Variants in PLPPR1 observed in about 807,000 individuals in gnomAD.
The protein encoded by PLPPR1 is phospholipid phosphatase-related protein type 1.
Under a neutral mutation model 33.1 loss-of-function variants are expected in PLPPR1, and 10 were observed. That is an observed-to-expected ratio of 0.30 (90% CI 0.19 to 0.51). The LOEUF is 0.51. Among genes scored for constraint, PLPPR1 ranks in the 20% least tolerant of loss-of-function variants. The pLI is 0.97. For synonymous variants in PLPPR1, 151 were observed against 151.0 expected (o/e 1.00, Z 0.00); for missense variants, 304 against 408.1 (o/e 0.74, Z 2.20).
chr9:101,230,971 T>C (rs1207760427), intron 2 of PLPPR1, among the ~76,000 whole-genome samples: 1 of 152,050 alleles, frequency 6.6e-6, no homozygotes, highest in Non-Finnish European at 1.5e-5. Flanking sequence ...GGAAGGAATC[T>C]AGCTGTCTGG....
intron 3 of PLPPR1, among the ~76,000 whole-genome samples, chr9:101,277,731 G>A (rs1828224101): frequency 6.6e-6 from 1 of 152,202 alleles, no homozygotes; most frequent in Admixed American, 6.5e-5. Context: ...TTAGGGCAGA[G>A]TCGAGCTAGA....
intron 1 of PLPPR1, among the ~76,000 whole-genome samples, chr9:101,112,139 C>T (rs1172309462): frequency 6.6e-6 from 1 of 152,238 alleles, no homozygotes; most frequent in Admixed American, 6.5e-5. Flanking sequence ...AAACATCTTA[C>T]CTGCGTATTA....
intron 4 of PLPPR1, among the ~76,000 whole-genome samples, chr9:101,301,055 A>G (rs1470715382): frequency 1.3e-5 from 2 of 152,170 alleles, no homozygotes; most frequent in Non-Finnish European, 2.9e-5. Context: ...GTAAAAATGT[A>G]TTTGTTTGTT....
At chr9:101,316,754 T>C (rs1034270833) in intron 6 of PLPPR1, among the ~76,000 whole-genome samples, 2 of 152,088 alleles carry the variant, frequency 1.3e-5, no homozygotes, top group East Asian at 1.9e-4. Flanking sequence ...TTATCTAATC[T>C]CAAGCAAATA....
chr9:101,242,419 A>G (rs1827493423), intron 2 of PLPPR1, among the ~76,000 whole-genome samples: 2 of 152,020 alleles, frequency 1.3e-5, no homozygotes, highest in East Asian at 3.9e-4. Context: ...TTTGTGTTTT[A>G]TTAGAATAAG....
At chr9:101,285,173 G>C (rs1828370949) in intron 3 of PLPPR1, among the ~76,000 whole-genome samples, 1 of 152,094 alleles carries the variant, frequency 6.6e-6, no homozygotes, top group Non-Finnish European at 1.5e-5. Context: ...TCCTTGATGA[G>C]TCTCGATCTT....
intron 1 of PLPPR1, among the ~76,000 whole-genome samples, chr9:101,077,852 C>G (rs1830558801): frequency 6.6e-6 from 1 of 151,898 alleles, no homozygotes. Context: ...AAACCAGCAC[C>G]TTTGTCCCGA....
intron 1 of PLPPR1, among the ~76,000 whole-genome samples, chr9:101,095,790 A>G (rs1830809345): frequency 6.6e-6 from 1 of 152,176 alleles, no homozygotes; most frequent in Non-Finnish European, 1.5e-5. Context: ...GGACACACAG[A>G]GAAGTATTTC....
At chr9:101,121,419 G>C (rs761904198) in intron 1 of PLPPR1, among the ~76,000 whole-genome samples, 3 of 152,112 alleles carry the variant, frequency 2.0e-5, no homozygotes, top group Non-Finnish European at 2.9e-5. Flanking sequence ...CAAATCTGTA[G>C]CCAGATCTCT....
At chr9:101,286,310 A>G in intron 4 of PLPPR1, 74 bp downstream of exon 4, 1 of 1,388,528 alleles carries the variant, frequency 7.2e-7, no homozygotes, top group East Asian at 2.3e-5. Context: ...TTGGTAAAAT[A>G]AACTATGGAA....
In PLPPR1 at chr9:101,221,264, C is replaced by A. The variant is rs1010349140; in HGVS notation, c.63+35707C>A. ...CCCTCTCCCACTCTTCCCCCCAAGT[C>A]TCCAAAATCCATTGTATCATTCTTA... On this transcript the variant is annotated intron_variant, in intron 2 of 7. Coordinates refer to ENST00000374874, the MANE Select transcript of PLPPR1 (RefSeq NM_207299.2). Among the ~76,000 whole-genome samples, 8 of 151,608 alleles carry A rather than the reference C, an allele frequency of 5.3e-5. No homozygotes were observed. In the South Asian group the frequency reaches 1.7e-3, roughly 32 times the overall value.
chr9:101,296,681 T>G (rs906367212), intron 4 of PLPPR1, among the ~76,000 whole-genome samples: 14 of 152,054 alleles, frequency 9.2e-5, no homozygotes, highest in Non-Finnish European at 1.5e-4. Flanking sequence ...TCATTCTCAG[T>G]AAACTGTCGC....
chr9:101,233,998 G>A (rs775715835), intron 2 of PLPPR1, among the ~76,000 whole-genome samples: 1 of 151,874 alleles, frequency 6.6e-6, no homozygotes, highest in Non-Finnish European at 1.5e-5. Context: ...TTCTGTACTT[G>A]CAGAGGTTCA....
chr9:101,210,422 C>T (rs1826669040), intron 2 of PLPPR1, among the ~76,000 whole-genome samples: 1 of 152,130 alleles, frequency 6.6e-6, no homozygotes. Flanking sequence ...ACTGGGAAGA[C>T]AAGTCTGTGC....
intron 1 of PLPPR1, among the ~76,000 whole-genome samples, chr9:101,077,757 C>T (rs1420275077): frequency 1.3e-5 from 2 of 151,946 alleles, no homozygotes; most frequent in Non-Finnish European, 2.9e-5. Context: ...CTAGGAACCC[C>T]CTTATATGAC....
At chr9:101,200,211 G>A (rs1002605985) in intron 2 of PLPPR1, among the ~76,000 whole-genome samples, 1 of 152,208 alleles carries the variant, frequency 6.6e-6, no homozygotes, top group Admixed American at 6.5e-5. Flanking sequence ...TCATTCCTCA[G>A]TGGGACAATT....
At chr9:101,067,909 A>G (rs1419962991) in intron 1 of PLPPR1, among the ~76,000 whole-genome samples, 1 of 152,012 alleles carries the variant, frequency 6.6e-6, no homozygotes, top group African/African-American at 2.4e-5. Context: ...TAGTTTGTTT[A>G]TTGTTTAAGT....
intron 4 of PLPPR1, among the ~76,000 whole-genome samples, chr9:101,305,901 T>C (rs1327256452): frequency 3.9e-5 from 6 of 152,240 alleles, no homozygotes; most frequent in Admixed American, 6.5e-5. Flanking sequence ...AAAGACATCC[T>C]ATCTGAGATC....
At chr9:101,278,039 C>G (rs1313465340) in intron 3 of PLPPR1, among the ~76,000 whole-genome samples, 1 of 152,154 alleles carries the variant, frequency 6.6e-6, no homozygotes, top group African/African-American at 2.4e-5. Context: ...ATTCAGGAAA[C>G]AGCAAAAACT....
Sources: gnomAD v4.1 joint callset for allele counts (sites outside exome capture counted in the v4.1 genomes callset) on GRCh38, gnomAD v4.1.1 for gene constraint, MANE v1.5 for transcripts, NCBI Gene and HGNC (gene_info 2026-07-23, HGNC 2026-07-21) for gene names.